TDRKH: variants seen among roughly 807,000 people sequenced by gnomAD.
TDRKH encodes the protein tudor and KH domain containing.
TDRKH carries 28 observed loss-of-function variants against 61.3 expected under a neutral mutation model. The observed-to-expected ratio is 0.46, with a 90% CI of 0.34 to 0.63. The LOEUF is 0.63. Among genes scored for constraint, TDRKH ranks in the 20% least tolerant of loss-of-function variants. The probability of loss-of-function intolerance (pLI) is 0.01; values close to 1 mark genes in which losing one functional copy is unlikely to be tolerated. For synonymous variants in TDRKH, 219 were observed against 244.4 expected (o/e 0.90, Z 0.97); for missense variants, 540 against 683.4 (o/e 0.79, Z 2.34).
rs560512920 is a variant in TDRKH at position 151,776,280 on chromosome 1, G to C, written c.1045-12C>G. The C allele has an allele frequency of 1.9e-6, 3 of 1,611,488 alleles. No individual in the cohort carries two copies. Among genetic ancestry groups the C allele is most frequent in the Non-Finnish European group, 2.5e-6 (3 of 1,178,436 alleles). On this transcript the variant is annotated splice_polypyrimidine_tract_variant and intron_variant, in intron 7 of 12. Transcript: ENST00000368824. ...GTCAAGTCTTCAGGCTGTATGTGGG[G>C]AGGAGGAGAAAGGCAGAGAGTTACA...
chr1:151,780,133 T>TGTG lies in TDRKH; in HGVS notation c.238_239insCAC (p.Lys80delinsThrGln). 1 of 1,610,230 alleles carries TGTG rather than the reference T, an allele frequency of 6.2e-7. No individual in the cohort carries two copies. Among genetic ancestry groups the TGTG allele is most frequent in the Non-Finnish European group, 8.5e-7 (1 of 1,176,692 alleles). On this transcript the variant is annotated protein_altering_variant, in exon 4 of 13. Transcript: ENST00000368824. ...CACATCAATCCGAGCACCTGTCTGTTTCCGCAGCTGCAAAGAAAAGGACAT... is the reference window on the plus strand; with the variant it reads ...CACATCAATCCGAGCACCTGTCTGTTGTGTCCGCAGCTGCAAAGAAAAGGACAT...
In TDRKH at chr1:151,776,138, C is replaced by G. The variant is rs757211993; in HGVS notation, c.1175G>C (p.Gly392Ala). 1 of 1,614,104 alleles carries G rather than the reference C, an allele frequency of 6.2e-7. No individual in the cohort carries two copies. Among genetic ancestry groups the G allele is most frequent in the South Asian group, 1.1e-5 (1 of 91,078 alleles). Reference sequence around the variant, plus strand: ...CTTCAGTGGGCAATCTCCATTATCTCCAAAGTCAACAAAATAGAGGTCCAA... The same window carrying G: ...CTTCAGTGGGCAATCTCCATTATCTGCAAAGTCAACAAAATAGAGGTCCAA... ...GNLDLYFVDF[G>A]DNGDCPLKDL... The change falls in exon 8 of 13, where the codon GGA becomes GCA. Residue 392 changes from glycine (G) to alanine (A), a missense_variant. This residue lies in a region of TDRKH where 379 missense variants were observed against 443.8 expected (regional missense o/e 0.85). Coordinates refer to ENST00000368824, the MANE Select transcript of TDRKH (RefSeq NM_001083965.2).
At chr1:151,768,325 T>C, downstream of TDRKH, 1 of 1,504,554 alleles carries the variant, frequency 6.6e-7, no homozygotes, top group Non-Finnish European at 8.9e-7. Context: ...ATTCTGGAGC[T>C]AGATATAAGC....
chr1:151,769,119 C>CT (rs1648489482), downstream of TDRKH, among the ~76,000 whole-genome samples: 2 of 151,946 alleles, frequency 1.3e-5, no homozygotes, highest in East Asian at 3.9e-4. Flanking sequence ...ACATTTCCCC[C>CT]TTTTCTATTC....
In TDRKH at chr1:151,774,259, A is replaced by G; in HGVS notation, c.*193T>C. The G allele has an allele frequency of 1.7e-6, 1 of 603,330 alleles. No individual in the cohort carries two copies. Among genetic ancestry groups the G allele is most frequent in the South Asian group, 2.1e-5 (1 of 47,178 alleles). The allele number at this position is 603,330 out of a possible 1,614,324, so 37.4% of individuals were successfully genotyped here. ...AAGACAGAAATACACAAAAAGCTTGAAAGTGCTCAATCTGAGAGCAAGTTA... is the reference window on the plus strand; with the variant it reads ...AAGACAGAAATACACAAAAAGCTTGGAAGTGCTCAATCTGAGAGCAAGTTA... On this transcript the variant is annotated 3_prime_UTR_variant, in exon 13 of 13. Transcript: ENST00000368824.
intron 11 of TDRKH, 71 bp downstream of exon 11, chr1:151,774,994 A>T (rs546694295): frequency 6.7e-7 from 1 of 1,497,740 alleles, no homozygotes; most frequent in Non-Finnish European, 9.3e-7. Context: ...CAGTATCAGG[A>T]CTAGAAGCCC....
rs756633054 is a variant in TDRKH at position 151,776,274 on chromosome 1, T to C, written c.1045-6A>G. Reference sequence around the variant, plus strand: ...TGCACAGTCAAGTCTTCAGGCTGTATGTGGGGAGGAGGAGAAAGGCAGAGA... The same window carrying C: ...TGCACAGTCAAGTCTTCAGGCTGTACGTGGGGAGGAGGAGAAAGGCAGAGA... On this transcript the variant is annotated splice_region_variant and splice_polypyrimidine_tract_variant and intron_variant, in intron 7 of 12. Transcript: ENST00000368824. 1.6e-5 allele frequency: 25 copies of C among 1,612,176 alleles called. No homozygotes were observed. The highest frequency in any genetic ancestry group is 4.0e-5 in the African/African-American group (3 of 74,852).
intron 2 of TDRKH, 96 bp from the exon 3 acceptor site, chr1:151,781,683 T>A (rs1003545389): frequency 9.7e-7 from 1 of 1,036,248 alleles, no homozygotes; most frequent in African/African-American, 1.6e-5. Context: ...AAAGAGACAC[T>A]GATCCAAGAG....
downstream of TDRKH, chr1:151,771,027 T>C (rs1018347565): frequency 3.9e-6 from 6 of 1,522,906 alleles, no homozygotes; most frequent in African/African-American, 8.4e-5. Flanking sequence ...GGGGCATACA[T>C]GTATTGAGTT....
chr1:151,767,439 T>C (rs1308097177), downstream of TDRKH: 4 of 1,444,840 alleles, frequency 2.8e-6, no homozygotes, highest in Admixed American at 2.6e-5. Flanking sequence ...CTACTTGCTA[T>C]ATAGACAAGC....
chr1:151,769,747 G>C (rs1444998592), downstream of TDRKH, among the ~76,000 whole-genome samples: 19 of 152,018 alleles, frequency 1.2e-4, no homozygotes, highest in Admixed American at 1.2e-3. Flanking sequence ...AGGTTGTAGC[G>C]AGCCGAGATC....
rs1648900634 is a variant in TDRKH at position 151,773,887 on chromosome 1, G to C, written c.*565C>G. The C allele has an allele frequency of 6.6e-6, 1 of 152,242 alleles. No individual in the cohort carries two copies. Among genetic ancestry groups the C allele is most frequent in the East Asian group, 1.9e-4 (1 of 5,194 alleles). 9.4% of individuals were successfully genotyped at this position (152,242 alleles called of 1,614,324 possible). A position where few individuals can be genotyped will look rare whatever the true frequency, so the allele number is the denominator to read the frequency against. ...TGATAAGGTGAGTCAGAAGTCTGCAGAATCACTTCCAATGACGAAAGCCTG... is the reference window on the plus strand; with the variant it reads ...TGATAAGGTGAGTCAGAAGTCTGCACAATCACTTCCAATGACGAAAGCCTG... On this transcript the variant is annotated 3_prime_UTR_variant, in exon 13 of 13. Transcript: ENST00000368824.
At chr1:151,768,017 C>G (rs781752318), downstream of TDRKH, 1 of 1,609,910 alleles carries the variant, frequency 6.2e-7, no homozygotes, top group Non-Finnish European at 8.5e-7. Flanking sequence ...TGCCTGAGGT[C>G]TGATTTGAAG....
intron 6 of TDRKH, among the ~76,000 whole-genome samples, chr1:151,777,900 T>C (rs1649363552): frequency 6.6e-6 from 1 of 151,970 alleles, no homozygotes; most frequent in South Asian, 2.1e-4. Flanking sequence ...TCTTTTTTTT[T>C]TAAACAGAAA....
At chr1:151,781,387 G>T in intron 3 of TDRKH, 94 bp downstream of exon 3, 1 of 818,100 alleles carries the variant, frequency 1.2e-6, no homozygotes, top group Non-Finnish European at 2.0e-6. Context: ...CAGAGCATGT[G>T]AATGTTTTGT....
At position 151,778,831 on chromosome 1, in the gene TDRKH, G is replaced by A. The variant is rs761481315; in HGVS notation, c.737C>T (p.Pro246Leu). The change falls in exon 6 of 13, where the codon CCG (proline) becomes CTG (leucine). Residue 246 changes from proline (P) to leucine (L), a missense_variant. Transcript: ENST00000368824. ...TGGAGGAGTCACCAGGGGTGCAGTC[G>A]GCTCCATGCTAGAACTGGTGTTTTT... is the stretch of plus-strand genomic sequence containing the variant. The part of the protein sequence containing the change: ...LWKNTSSSME[P>L]TAPLVTPPPK... 13 of 1,614,026 alleles carry A rather than the reference G, an allele frequency of 8.1e-6. No homozygotes were observed. In the African/African-American group the frequency reaches 9.3e-5, roughly 12 times the overall value.
At chr1:151,770,268 G>A (rs1201464068), downstream of TDRKH, 4 of 1,611,390 alleles carry the variant, frequency 2.5e-6, no homozygotes, top group Admixed American at 1.7e-5. Flanking sequence ...GTGGGGATCT[G>A]CTGTTCTTCC....
chr1:151,777,657 A>C (rs890204446), intron 6 of TDRKH, among the ~76,000 whole-genome samples: 1 of 151,842 alleles, frequency 6.6e-6, no homozygotes, highest in Non-Finnish European at 1.5e-5. Flanking sequence ...ATGAAAAAAG[A>C]CTTTTTATTG....
downstream of TDRKH, chr1:151,767,215 C>T: frequency 6.2e-7 from 1 of 1,614,010 alleles, no homozygotes; most frequent in Non-Finnish European, 8.5e-7. Context: ...TTCCTGCCTC[C>T]AGTGCTCCTG....
Sources: gnomAD v4.1 joint callset for allele counts (sites outside exome capture counted in the v4.1 genomes callset) on GRCh38, gnomAD v4.1.1 for gene constraint, gnomAD v4.1.1 regional missense constraint, MANE v1.5 for transcripts, NCBI Gene and HGNC (gene_info 2026-07-23, HGNC 2026-07-21) for gene names.